The following AFAP1L2 variants were observed in gnomAD, a reference collection of about 807,000 sequenced individuals.
The protein encoded by AFAP1L2 is actin filament-associated protein 1-like 2.
AFAP1L2 carries 46 observed loss-of-function variants against 99.3 expected under a neutral mutation model. The ratio of observed to expected loss-of-function variants is 0.46; its 90% confidence interval spans 0.37 to 0.59. AFAP1L2 has a LOEUF of 0.59. Ranked by LOEUF, AFAP1L2 falls within the 20% of genes least tolerant of loss-of-function variation. AFAP1L2 has a pLI of 0.00. For missense variants in AFAP1L2, 959 were observed against 1,034.9 expected, an observed-to-expected ratio of 0.93 and a Z score of 1.01; for synonymous variants, 397 against 419.1, an observed-to-expected ratio of 0.95 and a Z score of 0.64.
At position 114,323,173 on chromosome 10, in the gene AFAP1L2, T is replaced by C. The variant is rs905958841; in HGVS notation, c.404A>G (p.Asn135Ser). The stretch of plus-strand genomic sequence containing the variant: ...AAGCCCCAGCCGCTGGGATGTACCA[T>C]TGAGGGATGTGTCATATGGCTCAGC... ...EEAEPYDTSL[N>S]EDGEAVSSSY... The change falls in exon 5 of 19, where the codon AAT becomes AGT. Residue 135 changes from asparagine to serine, a missense_variant and splice_region_variant. By Grantham distance (46) the Asn-to-Ser change is conservative. Around this residue, in one of 2 missense-constraint regions of AFAP1L2, gnomAD observed 383 missense variants for 472.8 expected, o/e 0.81. Coordinates refer to ENST00000304129, the MANE Select transcript of AFAP1L2 (RefSeq NM_001001936.3). 1.9e-6 allele frequency: 3 copies of C among 1,593,144 alleles called. No homozygotes were observed. The highest frequency in any genetic ancestry group is 2.6e-6 in the Non-Finnish European group (3 of 1,168,234).
chr10:114,340,500 T>G, intron 2 of AFAP1L2, 103 bp downstream of exon 2: 3 of 1,435,656 alleles, frequency 2.1e-6, no homozygotes, highest in Non-Finnish European at 2.8e-6. Context: ...TAAGTGTCAT[T>G]TATAGCACCC....
chr10:114,291,530 G>A (rs2039598185), downstream of AFAP1L2: 1 of 397,752 alleles, frequency 2.5e-6, no homozygotes, highest in African/African-American at 2.1e-5. Context: ...GTGCCTTGTT[G>A]AGGCTATGTC....
At chr10:114,308,540 T>A in intron 8 of AFAP1L2, 23 bp from the exon 9 acceptor site, 1 of 1,601,538 alleles carries the variant, frequency 6.2e-7, no homozygotes, top group Non-Finnish European at 8.6e-7. Context: ...GCGACATGAA[T>A]GGGGATCACT....
intron 1 of AFAP1L2, among the ~76,000 whole-genome samples, chr10:114,384,326 C>T (rs947860613): frequency 6.9e-6 from 1 of 145,764 alleles, no homozygotes; most frequent in Admixed American, 6.8e-5. Flanking sequence ...GTCTGTCGTC[C>T]CCCCCCCGCT....
chr10:114,380,468 G>C (rs1273148575), intron 1 of AFAP1L2, among the ~76,000 whole-genome samples: 1 of 152,202 alleles, frequency 6.6e-6, no homozygotes, highest in Non-Finnish European at 1.5e-5. Flanking sequence ...CATGGGAGCA[G>C]AACTAGCTTT....
At chr10:114,380,272 T>C (rs564455470) in intron 1 of AFAP1L2, among the ~76,000 whole-genome samples, 4 of 152,334 alleles carry the variant, frequency 2.6e-5, no homozygotes, top group South Asian at 2.1e-4. Flanking sequence ...GTTCCTCTCT[T>C]GGCAAGGTGC....
intron 4 of AFAP1L2, among the ~76,000 whole-genome samples, chr10:114,327,175 T>TATATATATATA (rs1564880771): frequency 0.014 from 787 of 55,508 alleles, 149 homozygotes; most frequent in East Asian, 0.066. Context: ...ATATATATAT[T>TATATATATATA]TTTTTTTTAG....
chr10:114,325,943 C>T (rs1564875851), intron 4 of AFAP1L2: 1 of 1,289,386 alleles, frequency 7.8e-7, no homozygotes, highest in Non-Finnish European at 1.0e-6. Flanking sequence ...CTGGCTGGGC[C>T]TCCAGCTCCA....
chr10:114,284,869 G>A, the AFAP1L2 span: 13 of 1,608,252 alleles, frequency 8.1e-6, no homozygotes, highest in Non-Finnish European at 1.0e-5. Flanking sequence ...ATAGGCCCCT[G>A]TGACTCGCAG....
In AFAP1L2 at chr10:114,349,044, C is replaced by A. The variant is rs147741028; in HGVS notation, c.17-8313G>T. Among the ~76,000 whole-genome samples, 801 of 152,238 alleles carry A rather than the reference C, an allele frequency of 5.3e-3. 12 individuals carry two copies. The highest frequency in any genetic ancestry group is 0.018 in the African/African-American group (743 of 41,536). ...TCAGATATATTTCAAAATACATTTT[C>A]TCCTAAAGTCCTTTTCCTTCTGGAC... is the stretch of plus-strand genomic sequence containing the variant. On this transcript the variant is annotated intron_variant, in intron 1 of 18. Transcript: ENST00000304129.
downstream of AFAP1L2, chr10:114,291,130 CAGGA>C: frequency 6.9e-7 from 1 of 1,452,540 alleles, no homozygotes; most frequent in Non-Finnish European, 9.5e-7. Flanking sequence ...AGAGTAAGAG[CAGGA>C]CCTGAAGGGG....
intron 1 of AFAP1L2, among the ~76,000 whole-genome samples, chr10:114,347,088 A>T (rs1187114407): frequency 6.6e-6 from 1 of 152,216 alleles, no homozygotes; most frequent in Non-Finnish European, 1.5e-5. Flanking sequence ...AACTGAGCAG[A>T]CCTGCGCTTT....
chr10:114,295,953 T>C lies in AFAP1L2; in HGVS notation c.*89A>G. 4 of 1,611,198 alleles carry C rather than the reference T, an allele frequency of 2.5e-6. No individual in the cohort carries two copies. The highest frequency in any genetic ancestry group is 1.1e-5 in the South Asian group (1 of 90,706). On this transcript the variant is annotated 3_prime_UTR_variant, in exon 19 of 19. Transcript: ENST00000304129. Reference sequence around the variant, plus strand: ...TCTTTGCTTTTTCTTCTAAACAGACTCACCCTTTCGCATAGTTTTTGCTTT... The same window carrying C: ...TCTTTGCTTTTTCTTCTAAACAGACCCACCCTTTCGCATAGTTTTTGCTTT...
At chr10:114,325,780 T>A in intron 4 of AFAP1L2, 2 of 1,105,538 alleles carry the variant, frequency 1.8e-6, no homozygotes, top group East Asian at 1.2e-4. Context: ...CTGGTCCCCC[T>A]GGTCAGCCAG....
chr10:114,394,069 A>G (rs1238527480), intron 1 of AFAP1L2, among the ~76,000 whole-genome samples: 2 of 152,102 alleles, frequency 1.3e-5, no homozygotes, highest in Admixed American at 6.5e-5. Flanking sequence ...CTGTTTAAGG[A>G]CCCACAGAAA....
At chr10:114,286,418 A>G in the AFAP1L2 span, 1 of 1,613,884 alleles carries the variant, frequency 6.2e-7, no homozygotes, top group Non-Finnish European at 8.5e-7. Context: ...GATCACAGGC[A>G]GCCCAAAGCA....
At chr10:114,381,400 ATG>A (rs1288000807) in intron 1 of AFAP1L2, among the ~76,000 whole-genome samples, 2 of 152,202 alleles carry the variant, frequency 1.3e-5, no homozygotes, top group East Asian at 3.8e-4. Flanking sequence ...GGATGTAAAG[ATG>A]AAGGGGTGAT....
At chr10:114,299,200 AAAGTT>A in intron 16 of AFAP1L2, 55 bp downstream of exon 16, 1 of 1,594,334 alleles carries the variant, frequency 6.3e-7, no homozygotes, top group Non-Finnish European at 8.5e-7. Flanking sequence ...CTTCCGCCAA[AAAGTT>A]AAGCCTACAC....
chr10:114,387,061 C>T (rs2056593202), intron 1 of AFAP1L2, among the ~76,000 whole-genome samples: 2 of 152,186 alleles, frequency 1.3e-5, no homozygotes, highest in African/African-American at 4.8e-5. Flanking sequence ...CCTGGGTCTC[C>T]ATGGCCAGGG....
Sources: gnomAD v4.1 joint callset for allele counts (sites outside exome capture counted in the v4.1 genomes callset) on GRCh38, gnomAD v4.1.1 for gene constraint, gnomAD v4.1.1 regional missense constraint, MANE v1.5 for transcripts, NCBI Gene and HGNC (gene_info 2026-07-23, HGNC 2026-07-21) for gene names.